CACNB1: variants seen among roughly 807,000 people sequenced by gnomAD.
The protein encoded by CACNB1 is calcium voltage-gated channel auxiliary subunit beta 1, also known as voltage-dependent L-type calcium channel subunit beta-1.
A neutral mutation model predicts 71.6 loss-of-function variants in CACNB1; 29 were observed. The ratio of observed to expected loss-of-function variants is 0.40; its 90% CI spans 0.30 to 0.55. The LOEUF is 0.55. Among genes scored for constraint, CACNB1 ranks in the 20% least tolerant of loss-of-function variants. The pLI is 0.38. For missense variants in CACNB1, 623 were observed against 801.8 expected (o/e 0.78, Z 2.69); for synonymous variants, 300 against 319.6 (o/e 0.94, Z 0.65).
chr17:39,196,787 CGGGGGT>C lies in CACNB1; in HGVS notation c.84+619_84+624del, dbSNP rs1298257487. Among the ~76,000 whole-genome samples the C allele has an allele frequency of 7.0e-4, 15 of 21,546 alleles. No individual in the cohort carries two copies. The South Asian group carries it at 0.018, about 26-fold the overall frequency. The allele number at this position is 21,546 out of a possible 152,430, so 14.1% of individuals were successfully genotyped here. On this transcript the variant is annotated intron_variant, in intron 1 of 13. Transcript: ENST00000394303. ...CCAAACTTTGGAGGCGTTTTTGGGG[CGGGGGT>C]GGGGGTGGGGTAAGTCAACGTGGGT...
At chr17:39,177,902 C>T in intron 12 of CACNB1, 82 bp downstream of exon 12, 1 of 1,116,248 alleles carries the variant, frequency 9.0e-7, no homozygotes, top group Non-Finnish European at 1.4e-6. Context: ...CCTGGTCACC[C>T]TGTCTCTCAT....
chr17:39,182,664 T>C (rs2045804430), intron 11 of CACNB1, among the ~76,000 whole-genome samples: 1 of 151,520 alleles, frequency 6.6e-6, no homozygotes, highest in Non-Finnish European at 1.5e-5. Flanking sequence ...ATCGCGCCAC[T>C]GCACTCCAGC....
chr17:39,177,061 C>T (rs2045597036), intron 13 of CACNB1: 6 of 1,338,358 alleles, frequency 4.5e-6, no homozygotes, highest in Non-Finnish European at 9.7e-7. Context: ...GCAGCAGATG[C>T]GCTCCTATGG....
intron 1 of CACNB1, among the ~76,000 whole-genome samples, chr17:39,196,583 G>A (rs1597721602): frequency 6.6e-6 from 1 of 152,100 alleles, no homozygotes; most frequent in Non-Finnish European, 1.5e-5. Flanking sequence ...GAAATCCCCT[G>A]GCGCGACCAT....
intron 11 of CACNB1, among the ~76,000 whole-genome samples, chr17:39,182,324 C>CA (rs56792654): frequency 4.1e-4 from 53 of 129,948 alleles, no homozygotes; most frequent in South Asian, 1.8e-3. Context: ...AAGGCTGTCT[C>CA]AAAAAAAAAA....
intron 1 of CACNB1, chr17:39,195,198 C>T: frequency 2.3e-6 from 1 of 438,558 alleles, no homozygotes; most frequent in Non-Finnish European, 4.0e-6. Context: ...TGCAAGAGAG[C>T]CCCAGAAGAC....
intron 13 of CACNB1, among the ~76,000 whole-genome samples, chr17:39,176,684 T>C (rs1275983657): frequency 6.6e-6 from 1 of 152,222 alleles, no homozygotes; most frequent in Admixed American, 6.5e-5. Context: ...CTTCTGGCTC[T>C]TAAGACCTTA....
At chr17:39,191,099 G>A (rs1463666276) in intron 3 of CACNB1, among the ~76,000 whole-genome samples, 1 of 152,074 alleles carries the variant, frequency 6.6e-6, no homozygotes, top group African/African-American at 2.4e-5. Context: ...GGCTACTTGG[G>A]AGGCTGAGGC....
intron 3 of CACNB1, among the ~76,000 whole-genome samples, chr17:39,188,267 A>G (rs2045988022): frequency 1.3e-5 from 2 of 151,738 alleles, no homozygotes; most frequent in Non-Finnish European, 2.9e-5. Context: ...TGGATGACGG[A>G]GCAAGACTCT....
At chr17:39,196,681 C>T (rs188691931) in intron 1 of CACNB1, among the ~76,000 whole-genome samples, 66 of 151,408 alleles carry the variant, frequency 4.4e-4, no homozygotes, top group African/African-American at 1.5e-3. Flanking sequence ...GAAAAGTGTG[C>T]GGGTGGGGAT....
chr17:39,177,611 G>A (rs546971996), intron 12 of CACNB1, 76 bp from the exon 13 acceptor site: 24 of 1,187,008 alleles, frequency 2.0e-5, no homozygotes, highest in Admixed American at 1.9e-4. Context: ...TGGCCTGGGT[G>A]CAGTGGGTAG....
intron 11 of CACNB1, among the ~76,000 whole-genome samples, chr17:39,181,469 GA>G (rs1228784154): frequency 6.6e-6 from 1 of 152,138 alleles, no homozygotes; most frequent in African/African-American, 2.4e-5. Flanking sequence ...TGCAGATGAG[GA>G]AACCAAGGCA....
Position 39,175,624 on chromosome 17 carries a change from C to A in CACNB1, c.1366G>T (p.Glu456Ter). 2 of 1,580,116 alleles carry A rather than the reference C, an allele frequency of 1.3e-6. No individual in the cohort carries two copies. The highest frequency in any genetic ancestry group is 1.2e-5 in the South Asian group (1 of 85,986). The change falls in exon 14 of 14, where the codon GAA (glutamate) becomes TAA (stop). Residue 456 changes from glutamate (E) to a stop codon, truncating the protein, a stop_gained. Transcript: ENST00000394303. LOFTEE classifies it high-confidence loss of function. This position sits in a 1 kb window ranked among gnomAD's most constrained non-coding sequence, Gnocchi z 4.7. ...CTGGCGTGCTCCCCGGTGGCCCGTT[C>A]CAGTGGCTGGTCCCCGGAAGCAAGG... ...PYLASGDQPL[E>*]RATGEHASMH... is the part of the protein sequence containing the mutation.
rs779755590 is a variant in CACNB1 at position 39,186,124 on chromosome 17, G to A, written c.628+372C>T. On this transcript the variant is annotated intron_variant, in intron 6 of 13. Transcript: ENST00000394303. The surrounding 1 kb of genome is among the most constrained non-coding windows in gnomAD (Gnocchi z 4.1). ...CATTACCTGGACCGGAGAGTCAGGA[G>A]AGAGGGAGGAGGGAGGCGAGGTGGG... 4.3e-6 allele frequency: 7 copies of A among 1,611,084 alleles called. No homozygotes were observed. The highest frequency in any genetic ancestry group is 5.9e-6 in the Non-Finnish European group (7 of 1,177,746).
chr17:39,177,818 C>T (rs1305498794), intron 12 of CACNB1, among the ~76,000 whole-genome samples, 166 bp downstream of exon 12: 1 of 152,120 alleles, frequency 6.6e-6, no homozygotes, highest in Non-Finnish European at 1.5e-5. Context: ...GGGGCTTGAA[C>T]CCAGTCTTTG....
intron 4 of CACNB1, 72 bp from the exon 5 acceptor site, chr17:39,187,001 T>G: frequency 2.8e-5 from 43 of 1,540,914 alleles, no homozygotes; most frequent in Non-Finnish European, 3.7e-5. Context: ...AGTCACTCTC[T>G]AGGGGAAACG....
intron 2 of CACNB1, chr17:39,193,904 G>A (rs1162495529): frequency 1.9e-5 from 3 of 155,792 alleles, no homozygotes; most frequent in African/African-American, 7.2e-5. Context: ...TCCCAAGTCA[G>A]ACTGAGGCTC....
intron 6 of CACNB1, chr17:39,185,940 C>A: frequency 1.2e-6 from 2 of 1,609,448 alleles, no homozygotes. Context: ...AAGAACACAG[C>A]GAGAATTACC....
intron 2 of CACNB1, 75 bp from the exon 3 acceptor site, chr17:39,191,668 C>T (rs965568659): frequency 7.5e-5 from 114 of 1,512,160 alleles, no homozygotes; most frequent in Middle Eastern, 5.3e-4. Flanking sequence ...CATGGAGGTG[C>T]CACCCATCAT....
Sources: gnomAD v4.1 joint callset for allele counts (sites outside exome capture counted in the v4.1 genomes callset) on GRCh38, gnomAD v4.1.1 for gene constraint, Gnocchi (gnomAD v3.1) non-coding constraint, MANE v1.5 for transcripts, NCBI Gene and HGNC (gene_info 2026-07-23, HGNC 2026-07-21) for gene names.